AGAP2: variants seen among roughly 807,000 people sequenced by gnomAD.
AGAP2 encodes ArfGAP with GTPase domain, ankyrin repeat and PH domain 2, also known as arf-GAP with GTPase, ANK repeat and PH domain-containing protein 2.
A neutral mutation model predicts 110.9 loss-of-function variants in AGAP2; 32 were observed. That is an observed-to-expected ratio of 0.29 (90% CI 0.22 to 0.39). AGAP2 has a LOEUF of 0.39. Ranked by LOEUF, AGAP2 falls within the 10% of genes least tolerant of loss-of-function variation. The probability of loss-of-function intolerance (pLI) is 1.00; values close to 1 mark genes in which losing one functional copy is unlikely to be tolerated. For missense variants in AGAP2, 1,285 were observed against 1,638.5 expected, an observed-to-expected ratio of 0.78 and a Z score of 3.72; for synonymous variants, 702 against 713.0, an observed-to-expected ratio of 0.98 and a Z score of 0.25.
At position 57,738,065 on chromosome 12, in the gene AGAP2, G is replaced by A; in HGVS notation, c.182C>T (p.Pro61Leu). Residue 61 changes from proline (P) to leucine (L), a missense_variant, in exon 1 of 19, where the codon CCG becomes CTG. Coordinates refer to ENST00000547588, the MANE Select transcript of AGAP2 (RefSeq NM_001122772.3). This position sits in a 1 kb window ranked among gnomAD's most constrained non-coding sequence, Gnocchi z 6.7. ...DPGSPRGAEE[P>L]GKKRHERLFH... ...GAGACGTTCGTGCCGCTTCTTGCCC[G>A]GCTCCTCCGCGCCTCGGGGGCTGCC... The A allele has an allele frequency of 6.6e-7, 1 of 1,523,828 alleles. No individual in the cohort carries two copies. Among genetic ancestry groups the A allele is most frequent in the Non-Finnish European group, 8.8e-7 (1 of 1,141,192 alleles). 94.4% of individuals were successfully genotyped at this position (1,523,828 alleles called of 1,614,324 possible).
At position 57,726,432 on chromosome 12, in the gene AGAP2, A is replaced by G; in HGVS notation, c.*120T>C. Reference sequence around the variant, plus strand: ...GGGCTGTGCCCTCGTGGGGGTAGGAAGTGCTCCCGTGGGGCGGGGTGCGGA... The same window carrying G: ...GGGCTGTGCCCTCGTGGGGGTAGGAGGTGCTCCCGTGGGGCGGGGTGCGGA... On this transcript the variant is annotated 3_prime_UTR_variant, in exon 19 of 19. Transcript: ENST00000547588. This position sits in a 1 kb window ranked among gnomAD's most constrained non-coding sequence, Gnocchi z 5.7. 1 of 1,012,900 alleles carries G rather than the reference A, an allele frequency of 9.9e-7. No individual in the cohort carries two copies. Among genetic ancestry groups the G allele is most frequent in the Non-Finnish European group, 1.2e-6 (1 of 817,334 alleles). The allele number at this position is 1,012,900 out of a possible 1,614,324, so 62.7% of individuals were successfully genotyped here.
intron 17 of AGAP2, 22 bp downstream of exon 17, chr12:57,727,338 C>G (rs752098497): frequency 1.0e-5 from 16 of 1,605,386 alleles, no homozygotes; most frequent in African/African-American, 5.3e-5. Flanking sequence ...ACCCTCCCCC[C>G]GCTCTGTTCC....
At chr12:57,733,182 G>A (rs532391312) in intron 5 of AGAP2, among the ~76,000 whole-genome samples, 1 of 151,296 alleles carries the variant, frequency 6.6e-6, no homozygotes, top group South Asian at 2.2e-4. Flanking sequence ...CTAGCTGGGT[G>A]AGCTGTGTGT....
chr12:57,732,850 T>C lies in AGAP2; in HGVS notation c.1679A>G (p.Gln560Arg). 2 of 1,613,886 alleles carry C rather than the reference T, an allele frequency of 1.2e-6. No homozygotes were observed. The highest frequency in any genetic ancestry group is 4.5e-5 in the East Asian group (2 of 44,854). The change falls in exon 6 of 19, where the codon CAG becomes CGG. Residue 560 changes from glutamine to arginine, a missense_variant. By Grantham distance (43) the Gln-to-Arg change is conservative (BLOSUM62 1). Coordinates refer to ENST00000547588, the MANE Select transcript of AGAP2 (RefSeq NM_001122772.3). ...CTGGAGATCACTACACTCACCCTCC[T>C]GGAAGACCCGATCCACATTGAGCCC... is the stretch of plus-strand genomic sequence containing the variant. The part of the protein sequence containing the change: ...TYGLNVDRVF[Q>R]EVAQKVVTLR...
Position 57,728,947 on chromosome 12 carries a change from G to A in AGAP2, c.2558-570C>T, listed in dbSNP as rs377355923. 2.0e-3 allele frequency among the ~76,000 whole-genome samples: 298 copies of A among 152,098 alleles called. 4 individuals are homozygous for A. The South Asian group carries it at 0.034, about 17-fold the overall frequency. On this transcript the variant is annotated intron_variant, in intron 13 of 18. Transcript: ENST00000547588. The stretch of plus-strand genomic sequence containing the variant: ...TCCCAGCACTTTGGGAGGCCGAGGC[G>A]GGCAGATCACGAGGTCAGGAGATCA...
rs1954805027 is a variant in AGAP2, at chr12:57,727,921, C to T, written c.2766+16G>A. 1 of 1,613,486 alleles carries T rather than the reference C, an allele frequency of 6.2e-7. No individual in the cohort carries two copies. Reference sequence around the variant, plus strand: ...AGTTCCTGCGGCCAGTCCTCCACTCCACCTCAAACTCTTACCTTGACCTTG... The same window carrying T: ...AGTTCCTGCGGCCAGTCCTCCACTCTACCTCAAACTCTTACCTTGACCTTG... On this transcript the variant is annotated intron_variant, in intron 15 of 18. Transcript: ENST00000547588.
chr12:57,731,519 G>A (rs367663690), intron 9 of AGAP2, 37 bp downstream of exon 9: 19 of 1,613,740 alleles, frequency 1.2e-5, no homozygotes, highest in African/African-American at 1.3e-5. Context: ...ACTAAGACCA[G>A]CTGCCCCTAG....
At position 57,738,106 on chromosome 12, in the gene AGAP2, G is replaced by A; in HGVS notation, c.141C>T (p.Ser47=). 6.6e-7 allele frequency: 1 copy of A among 1,522,316 alleles called. No individual in the cohort carries two copies. Among genetic ancestry groups the A allele is most frequent in the South Asian group, 1.2e-5 (1 of 83,416 alleles). 94.3% of individuals were successfully genotyped at this position (1,522,316 alleles called of 1,614,324 possible). A position where few individuals can be genotyped will look rare whatever the true frequency, so the allele number is the denominator to read the frequency against. ...AAAGAAGARG[S]ETGDPGSPRG... ...GGGGGCTGCCAGGATCCCCAGTCTC[G>A]GAGCCTCTGGCACCGGCGGCGCCGG... is the stretch of plus-strand genomic sequence containing the variant. The change falls in exon 1 of 19, where the codon TCC becomes TCT. Residue 47 remains serine, a synonymous_variant. Coordinates refer to ENST00000547588, the MANE Select transcript of AGAP2 (RefSeq NM_001122772.3). The surrounding 1 kb of genome is among the most constrained non-coding windows in gnomAD (Gnocchi z 6.7).
intron 10 of AGAP2, 84 bp downstream of exon 10, chr12:57,731,282 G>T: frequency 8.5e-7 from 1 of 1,171,282 alleles, no homozygotes; most frequent in East Asian, 2.3e-5. Flanking sequence ...TAGAAATGAG[G>T]TTAGTGCTTT....
At chr12:57,730,435 T>G (rs2140357592) in intron 12 of AGAP2, 60 bp downstream of exon 12, 1 of 1,598,794 alleles carries the variant, frequency 6.3e-7, no homozygotes, top group African/African-American at 1.3e-5. Flanking sequence ...CCATATTCAT[T>G]TCCCACACTC....
intron 1 of AGAP2, among the ~76,000 whole-genome samples, chr12:57,736,134 G>A (rs990191902): frequency 6.6e-6 from 1 of 151,304 alleles, no homozygotes; most frequent in East Asian, 2.0e-4. Context: ...CCGGCCGGAC[G>A]TTCCCGGGGC....
At chr12:57,733,481 G>A (rs983443967) in intron 5 of AGAP2, among the ~76,000 whole-genome samples, 3 of 152,032 alleles carry the variant, frequency 2.0e-5, no homozygotes, top group Admixed American at 6.6e-5. Context: ...CCACCAGCTC[G>A]ACACAGGGGA....
chr12:57,730,619 C>A lies in AGAP2; in HGVS notation c.2309-5G>T, dbSNP rs749102219. 3.7e-6 allele frequency: 6 copies of A among 1,611,648 alleles called. No individual in the cohort carries two copies. The highest frequency in any genetic ancestry group is 4.2e-6 in the Non-Finnish European group (5 of 1,178,974). On this transcript the variant is annotated splice_region_variant and splice_polypyrimidine_tract_variant and intron_variant, in intron 11 of 18. Transcript: ENST00000547588. ...TTGGCATGGGAGTAGTGGCTTCTGT[C>A]GGAAGAAGATGAAACCTCAGTGAGC...
chr12:57,733,960 G>T, intron 5 of AGAP2, 66 bp downstream of exon 5: 1 of 1,499,914 alleles, frequency 6.7e-7, no homozygotes, highest in Non-Finnish European at 8.9e-7. Context: ...CACCCATGTT[G>T]GGCAATATCC....
Position 57,737,166 on chromosome 12 carries a change from C to A in AGAP2, c.1081G>T (p.Gly361Cys), listed in dbSNP as rs1463105798. 6.3e-7 allele frequency: 1 copy of A among 1,580,092 alleles called. No individual in the cohort carries two copies. The highest frequency in any genetic ancestry group is 8.6e-7 in the Non-Finnish European group (1 of 1,163,334). Residue 361 changes from glycine (G) to cysteine (C), a missense_variant, in exon 1 of 19, where the codon GGC (glycine) becomes TGC (cysteine). Around this residue, in one of 7 missense-constraint regions of AGAP2, gnomAD observed 844 missense variants for 941.2 expected, o/e 0.90. Transcript: ENST00000547588. This position sits in a 1 kb window ranked among gnomAD's most constrained non-coding sequence, Gnocchi z 5.9. ...GGGGGTCCGGGAAGGGGCCCGGAGCCAGGAGGCCCTCCTGTGCTCTTGGTG... is the reference window on the plus strand; with the variant it reads ...GGGGGTCCGGGAAGGGGCCCGGAGCAAGGAGGCCCTCCTGTGCTCTTGGTG... ...IFTKSTGGPP[G>C]SGPLPGPPSL... is the part of the protein sequence containing the mutation.
chr12:57,726,003 GT>G lies in AGAP2; in HGVS notation c.*548del, dbSNP rs1219066387. ...ACCCCCACCCCCATGAGCAGCAGGG[GT>G]CCTGCCCCTCGCTGCCCTTGCCCCC... On this transcript the variant is annotated 3_prime_UTR_variant, in exon 19 of 19. Coordinates refer to ENST00000547588, the MANE Select transcript of AGAP2 (RefSeq NM_001122772.3). This position sits in a 1 kb window ranked among gnomAD's most constrained non-coding sequence, Gnocchi z 5.7. 6.6e-6 allele frequency: 1 copy of G among 152,060 alleles called. No individual in the cohort carries two copies. The highest frequency in any genetic ancestry group is 2.4e-5 in the African/African-American group (1 of 41,366). The allele number at this position is 152,060 out of a possible 1,614,324, so 9.4% of individuals were successfully genotyped here.
chr12:57,730,657 G>A (rs375368020), intron 11 of AGAP2, 43 bp from the exon 12 acceptor site: 2 of 1,606,928 alleles, frequency 1.2e-6, no homozygotes, highest in African/African-American at 2.7e-5. Context: ...CTTTCTTCTG[G>A]CCCCATTCCT....
chr12:57,729,656 G>A lies in AGAP2; in HGVS notation c.2540C>T (p.Ser847Leu), dbSNP rs1471254429. ...KLTTPSKTEGSAGQAEAKRKM... is the reference protein window; with the variant it reads ...KLTTPSKTEGLAGQAEAKRKM... ...AGCCTCACCTTCAGCCTGCCCAGCCGAGCCTTCAGTCTTGGATGGTGTTGT... is the reference window on the plus strand; with the variant it reads ...AGCCTCACCTTCAGCCTGCCCAGCCAAGCCTTCAGTCTTGGATGGTGTTGT... The change falls in exon 13 of 19, where the codon TCG becomes TTG. Residue 847 changes from serine (S) to leucine (L), a missense_variant. Ser to Leu is a moderately radical substitution (Grantham distance 145, BLOSUM62 -2). Around this residue, in one of 7 missense-constraint regions of AGAP2, gnomAD observed 135 missense variants for 182.0 expected, o/e 0.74. Coordinates refer to ENST00000547588, the MANE Select transcript of AGAP2 (RefSeq NM_001122772.3). The A allele has an allele frequency of 1.1e-5, 18 of 1,613,062 alleles. No homozygotes were observed. The highest frequency in any genetic ancestry group is 8.0e-5 in the African/African-American group (6 of 74,834).
intron 17 of AGAP2, 26 bp downstream of exon 17, chr12:57,727,334 C>A: frequency 6.2e-7 from 1 of 1,605,240 alleles, no homozygotes; most frequent in South Asian, 1.1e-5. Context: ...AGCAACCCTC[C>A]CCCCGCTCTG....
Sources: allele counts gnomAD v4.1 joint callset (sites outside exome capture counted in the v4.1 genomes callset), GRCh38; gene constraint gnomAD v4.1.1; regional missense constraint gnomAD v4.1.1; non-coding constraint Gnocchi (gnomAD v3.1); transcripts MANE v1.5; gene names NCBI Gene and HGNC (gene_info 2026-07-23, HGNC 2026-07-21).